The following BRINP3 variants were observed in gnomAD, a reference collection of about 807,000 sequenced individuals.
BRINP3 encodes BMP/retinoic acid inducible neural specific 3, also known as BMP/retinoic acid-inducible neural-specific protein 3.
Under a neutral mutation model 71.0 loss-of-function variants are expected in BRINP3, and 19 were observed. That is an observed-to-expected ratio of 0.27 (90% confidence interval 0.19 to 0.39). The LOEUF is 0.39. Ranked by LOEUF, BRINP3 falls within the 10% of genes least tolerant of loss-of-function variation. The probability of loss-of-function intolerance (pLI) is 1.00; values close to 1 mark genes in which losing one functional copy is unlikely to be tolerated. For missense variants in BRINP3, 959 were observed against 940.8 expected, an observed-to-expected ratio of 1.02 and a Z score of -0.25; for synonymous variants, 380 against 337.7, an observed-to-expected ratio of 1.13 and a Z score of -1.37.
chr1:190,157,670 T>C (rs539483529), intron 7 of BRINP3, among the ~76,000 whole-genome samples: 31 of 152,120 alleles, frequency 2.0e-4, no homozygotes, highest in African/African-American at 7.2e-4. Flanking sequence ...AACAAGATCT[T>C]CACCCAGCCA....
chr1:190,476,298 C>G (rs1677501018), intron 1 of BRINP3, among the ~76,000 whole-genome samples: 1 of 150,326 alleles, frequency 6.7e-6, no homozygotes, highest in Non-Finnish European at 1.5e-5. Flanking sequence ...AGGTTCTTAC[C>G]TCCATGTATC....
chr1:190,122,995 T>G (rs1179878047), intron 7 of BRINP3, among the ~76,000 whole-genome samples: 1 of 151,898 alleles, frequency 6.6e-6, no homozygotes, highest in Non-Finnish European at 1.5e-5. Flanking sequence ...GGACAGACAG[T>G]TGCAACCAGA....
At chr1:190,467,958 A>G (rs1448197329) in intron 1 of BRINP3, among the ~76,000 whole-genome samples, 1 of 151,502 alleles carries the variant, frequency 6.6e-6, no homozygotes, top group Non-Finnish European at 1.5e-5. Flanking sequence ...AATATTAGCT[A>G]TTCTTAGCAT....
intron 2 of BRINP3, among the ~76,000 whole-genome samples, chr1:190,304,552 G>T (rs191744929): frequency 1.3e-5 from 2 of 151,868 alleles, no homozygotes; most frequent in African/African-American, 4.8e-5. Context: ...AAATGGCACT[G>T]GGAAAACGAT....
chr1:190,435,463 A>C (rs1263506556), intron 2 of BRINP3, among the ~76,000 whole-genome samples: 20 of 152,000 alleles, frequency 1.3e-4, no homozygotes, highest in Non-Finnish European at 4.4e-5. Flanking sequence ...GAGATCGAGC[A>C]GACCAAAAAA....
chr1:190,418,748 T>C (rs1162245062), intron 2 of BRINP3, among the ~76,000 whole-genome samples: 1 of 152,130 alleles, frequency 6.6e-6, no homozygotes, highest in Non-Finnish European at 1.5e-5. Flanking sequence ...CTGGAATCAG[T>C]GTATGAGGAG....
chr1:190,145,528 T>C (rs549659811), intron 7 of BRINP3, among the ~76,000 whole-genome samples: 149 of 152,264 alleles, frequency 9.8e-4, no homozygotes, highest in African/African-American at 3.4e-3. Flanking sequence ...TAATTTCCAA[T>C]CAGGGAAGAA....
intron 2 of BRINP3, among the ~76,000 whole-genome samples, chr1:190,332,228 C>A (rs1667011176): frequency 6.6e-6 from 1 of 152,010 alleles, no homozygotes; most frequent in South Asian, 2.1e-4. Context: ...CCAACTCTTA[C>A]TTATCTTTCA....
At chr1:190,144,747 G>C (rs1197192713) in intron 7 of BRINP3, among the ~76,000 whole-genome samples, 2 of 151,946 alleles carry the variant, frequency 1.3e-5, no homozygotes, top group African/African-American at 2.4e-5. Flanking sequence ...TTTTCCCAAT[G>C]ATCTGTCAGT....
intron 2 of BRINP3, among the ~76,000 whole-genome samples, chr1:190,286,037 T>C (rs1282795387): frequency 6.6e-6 from 1 of 152,180 alleles, no homozygotes; most frequent in African/African-American, 2.4e-5. Flanking sequence ...ATCGTTAGTT[T>C]AATGTAACTC....
intron 2 of BRINP3, among the ~76,000 whole-genome samples, chr1:190,410,732 A>G (rs1365602655): frequency 6.6e-6 from 1 of 152,138 alleles, no homozygotes; most frequent in Non-Finnish European, 1.5e-5. Flanking sequence ...AAGGGTATTT[A>G]TTAACAAAGT....
chr1:190,463,551 T>C lies in BRINP3; in HGVS notation c.-50-8611A>G, dbSNP rs539249026. The stretch of plus-strand genomic sequence containing the variant: ...GTCAATACTCAGGTATTATATTCCA[T>C]GAACATATTCAAACATAAATAAATA... On this transcript the variant is annotated intron_variant, in intron 1 of 7. Transcript: ENST00000367462. Among the ~76,000 whole-genome samples the C allele has an allele frequency of 6.3e-4, 96 of 151,926 alleles. 1 individual carries two copies. The highest frequency in any genetic ancestry group is 2.2e-3 in the African/African-American group (91 of 41,566).
At chr1:190,099,837 T>G (rs1490874329) in intron 7 of BRINP3, among the ~76,000 whole-genome samples, 1 of 152,234 alleles carries the variant, frequency 6.6e-6, no homozygotes, top group Admixed American at 6.5e-5. Flanking sequence ...TGTGTTAGTT[T>G]AATGTGTTTG....
intron 2 of BRINP3, among the ~76,000 whole-genome samples, chr1:190,394,397 G>A (rs186982493): frequency 2.6e-5 from 4 of 151,426 alleles, no homozygotes; most frequent in African/African-American, 9.7e-5. Context: ...CTTGTAATGG[G>A]TTTCTTGCAC....
chr1:190,310,997 A>G (rs771727537), intron 2 of BRINP3, among the ~76,000 whole-genome samples: 15 of 151,692 alleles, frequency 9.9e-5, no homozygotes, highest in Non-Finnish European at 1.9e-4. Flanking sequence ...CATATTCCCT[A>G]GATAAATCAT....
At chr1:190,275,769 C>G (rs992535792) in intron 3 of BRINP3, among the ~76,000 whole-genome samples, 1 of 151,494 alleles carries the variant, frequency 6.6e-6, no homozygotes, top group African/African-American at 2.4e-5. Context: ...CCACGAACAC[C>G]TTTACTAAGA....
At chr1:190,151,044 G>C (rs1234858209) in intron 7 of BRINP3, among the ~76,000 whole-genome samples, 2 of 152,124 alleles carry the variant, frequency 1.3e-5, no homozygotes, top group East Asian at 3.9e-4. Flanking sequence ...CCACTTGGCA[G>C]GGTAAGGCCA....
chr1:190,477,085 C>T (rs1379206815), intron 1 of BRINP3, among the ~76,000 whole-genome samples: 1 of 152,104 alleles, frequency 6.6e-6, no homozygotes, highest in Non-Finnish European at 1.5e-5. Context: ...TTTAAGCTCT[C>T]TCTTAGATAA....
intron 2 of BRINP3, chr1:190,342,305 C>T (rs1219058831): frequency 7.0e-6 from 1 of 142,458 alleles, no homozygotes; most frequent in Non-Finnish European, 1.5e-5. Flanking sequence ...TTCACATTTT[C>T]AAGCATTAAA....
Sources: allele counts gnomAD v4.1 joint callset (sites outside exome capture counted in the v4.1 genomes callset), GRCh38; gene constraint gnomAD v4.1.1; transcripts MANE v1.5; gene names NCBI Gene and HGNC (gene_info 2026-07-23, HGNC 2026-07-21).